The following BICRAL variants were observed in gnomAD, a reference collection of about 807,000 sequenced individuals.
BICRAL encodes BICRA like chromatin remodeling complex associated protein, also known as BRD4-interacting chromatin-remodeling complex-associated protein-like.
BICRAL carries 8 observed loss-of-function variants against 91.8 expected under a neutral mutation model. The ratio of observed to expected loss-of-function variants is 0.09; its 90% CI spans 0.05 to 0.16. BICRAL has a LOEUF of 0.16. Ranked by LOEUF, BICRAL falls within the 10% of genes least tolerant of loss-of-function variation. BICRAL has a pLI of 1.00. For synonymous variants in BICRAL, 445 were observed against 491.1 expected, an observed-to-expected ratio of 0.91 and a Z score of 1.24; for missense variants, 1,038 against 1,310.9, an observed-to-expected ratio of 0.79 and a Z score of 3.21.
At chr6:42,785,656 A>T (rs1177017622) in intron 1 of BICRAL, among the ~76,000 whole-genome samples, 1 of 152,154 alleles carries the variant, frequency 6.6e-6, no homozygotes, top group African/African-American at 2.4e-5. Flanking sequence ...ATAAATCCTT[A>T]AAAGAAAAGG....
chr6:42,821,545 A>G (rs1391963107), intron 2 of BICRAL, among the ~76,000 whole-genome samples: 1 of 152,208 alleles, frequency 6.6e-6, no homozygotes, highest in Non-Finnish European at 1.5e-5. Context: ...CCATTTTCCT[A>G]TCTTCCTAAA....
In BICRAL at chr6:42,813,057, A is replaced by T. The variant is rs148957540; in HGVS notation, c.-6+2656A>T. Among the ~76,000 whole-genome samples the T allele has an allele frequency of 2.2e-4, 33 of 152,322 alleles. No homozygotes were observed. The East Asian group carries it at 5.2e-3, about 24-fold the overall frequency. ...CTCAAGAAAATTAGTAAATTAAATT[A>T]AAAAAATAAAAGACTGAAAGAAAAT... On this transcript the variant is annotated intron_variant, in intron 2 of 12. Transcript: ENST00000314073.
At chr6:42,759,585 G>A (rs974616330) in intron 1 of BICRAL, among the ~76,000 whole-genome samples, 1 of 152,194 alleles carries the variant, frequency 6.6e-6, no homozygotes, top group African/African-American at 2.4e-5. Context: ...AACTGGGTCT[G>A]TGGTGATCTT....
chr6:42,816,655 T>G (rs867205278), intron 2 of BICRAL, among the ~76,000 whole-genome samples: 6 of 152,200 alleles, frequency 3.9e-5, no homozygotes, highest in Non-Finnish European at 8.8e-5. Flanking sequence ...ATTAATTGTT[T>G]TTCTTTTTTG....
intron 1 of BICRAL, among the ~76,000 whole-genome samples, chr6:42,796,411 A>C (rs1763414719): frequency 6.6e-6 from 1 of 152,218 alleles, no homozygotes; most frequent in Non-Finnish European, 1.5e-5. Context: ...CAAGGTAGCA[A>C]GGGCTAGAAT....
At chr6:42,863,042 G>C (rs1311379602) in intron 12 of BICRAL, among the ~76,000 whole-genome samples, 1 of 149,812 alleles carries the variant, frequency 6.7e-6, no homozygotes, top group Non-Finnish European at 1.5e-5. Context: ...AATCCTCATG[G>C]ACATTTCTTT....
chr6:42,827,166 C>G (rs771389414), intron 5 of BICRAL, among the ~76,000 whole-genome samples: 1 of 152,214 alleles, frequency 6.6e-6, no homozygotes, highest in Non-Finnish European at 1.5e-5. Context: ...TACTGTTGAA[C>G]TCACTTGGTA....
At chr6:42,781,367 A>G (rs901656800), upstream of BICRAL, among the ~76,000 whole-genome samples, 8 of 152,318 alleles carry the variant, frequency 5.3e-5, no homozygotes, top group Non-Finnish European at 1.5e-5. Context: ...GAATTTTGGA[A>G]TGGACAAAGA....
chr6:42,835,126 AC>A, intron 6 of BICRAL, among the ~76,000 whole-genome samples: 1 of 140,826 alleles, frequency 7.1e-6, no homozygotes, highest in Middle Eastern at 3.6e-3. Flanking sequence ...CTTCCCCTCT[AC>A]CCTTTTTTCT....
chr6:42,852,929 G>A (rs1765236011), intron 7 of BICRAL, among the ~76,000 whole-genome samples: 1 of 151,456 alleles, frequency 6.6e-6, no homozygotes, highest in African/African-American at 2.4e-5. Flanking sequence ...AACCCTGTCT[G>A]TACTAGCTGG....
At chr6:42,746,590 C>T (rs942735971), upstream of BICRAL, among the ~76,000 whole-genome samples, 1 of 152,098 alleles carries the variant, frequency 6.6e-6, no homozygotes, top group African/African-American at 2.4e-5. Flanking sequence ...TGGCCCGCGC[C>T]GGAGGAAGCA....
In BICRAL at chr6:42,822,821, C is replaced by A; in HGVS notation, c.67C>A (p.Leu23Ile). The change falls in exon 4 of 13, where the codon CTA becomes ATA. Residue 23 changes from leucine (L) to isoleucine (I), a missense_variant. Leu to Ile is a conservative substitution (Grantham distance 5, BLOSUM62 2). Transcript: ENST00000314073. ...AGACCCACAAGCATTGAACTATTTT[C>A]TACATGGACCTAGTAATAAATCTGT... is the stretch of plus-strand genomic sequence containing the variant. Reference protein sequence around the residue: ...IGDPQALNYFLHGPSNKSSND... With the variant: ...IGDPQALNYFIHGPSNKSSND... 1 of 1,568,740 alleles carries A rather than the reference C, an allele frequency of 6.4e-7. No individual in the cohort carries two copies. Among genetic ancestry groups the A allele is most frequent in the Non-Finnish European group, 8.8e-7 (1 of 1,139,904 alleles).
At chr6:42,849,653 A>T (rs1055496117) in intron 6 of BICRAL, among the ~76,000 whole-genome samples, 1 of 150,916 alleles carries the variant, frequency 6.6e-6, no homozygotes, top group Admixed American at 6.6e-5. Context: ...GTTAGCCAGG[A>T]TTGTCTCTGT....
chr6:42,844,812 TGAAA>T lies in BICRAL; in HGVS notation c.1840-7276_1840-7273del, dbSNP rs554020514. Among the ~76,000 whole-genome samples the T allele has an allele frequency of 7.9e-5, 12 of 152,150 alleles. No homozygotes were observed. In the East Asian group the frequency reaches 1.9e-3, roughly 24 times the overall value. On this transcript the variant is annotated intron_variant, in intron 6 of 12. Transcript: ENST00000314073. ...GGGATTAAGGGAATTATTTTTGTAG[TGAAA>T]GAAGAGCTTTTTTCACAGCTGATGA...
In BICRAL at chr6:42,865,728, TTTTG is replaced by T; in HGVS notation, c.*286_*289del. ...AGTGTTATGAAAGTGCTTATAGGCA[TTTTG>T]TTTATTTGTTTTGTTTTTTAAAAAC... On this transcript the variant is annotated 3_prime_UTR_variant, in exon 13 of 13. Transcript: ENST00000314073. 1 of 348,808 alleles carries T rather than the reference TTTTG, an allele frequency of 2.9e-6. No homozygotes were observed. Among genetic ancestry groups the T allele is most frequent in the Admixed American group, 4.4e-5 (1 of 22,824 alleles). 21.6% of individuals were successfully genotyped at this position (348,808 alleles called of 1,614,324 possible).
chr6:42,836,932 T>G (rs529160058), intron 6 of BICRAL, among the ~76,000 whole-genome samples: 1 of 146,890 alleles, frequency 6.8e-6, no homozygotes, highest in African/African-American at 2.5e-5. Context: ...CTGTGTAGTT[T>G]CTATGTAATA....
chr6:42,819,488 G>T (rs1167416082), intron 2 of BICRAL, among the ~76,000 whole-genome samples: 1 of 151,730 alleles, frequency 6.6e-6, no homozygotes, highest in Admixed American at 6.6e-5. Context: ...GTTTCACCGT[G>T]TTGGCCAGGC....
At chr6:42,760,207 C>A (rs1762524118) in intron 1 of BICRAL, among the ~76,000 whole-genome samples, 1 of 151,722 alleles carries the variant, frequency 6.6e-6, no homozygotes, top group South Asian at 2.1e-4. Context: ...TTGCGGTGAG[C>A]TGAGATTGCA....
chr6:42,860,114 G>A (rs756539082), intron 10 of BICRAL, 148 bp from the exon 11 acceptor site: 27 of 573,788 alleles, frequency 4.7e-5, no homozygotes, highest in South Asian at 2.4e-4. Flanking sequence ...ATGCTTAGCC[G>A]GGGAAAAGCT....
Sources: gnomAD v4.1 joint callset for allele counts (sites outside exome capture counted in the v4.1 genomes callset) on GRCh38, gnomAD v4.1.1 for gene constraint, MANE v1.5 for transcripts, NCBI Gene and HGNC (gene_info 2026-07-23, HGNC 2026-07-21) for gene names.